PAPPA2: variants seen among roughly 807,000 people sequenced by gnomAD.
The protein encoded by PAPPA2 is pappalysin 2.
Under a neutral mutation model 176.4 loss-of-function variants are expected in PAPPA2, and 86 were observed. The observed-to-expected ratio is 0.49, with a 90% confidence interval of 0.41 to 0.58. The LOEUF is 0.58. PAPPA2 is among the 20% of genes least tolerant of loss of function. The probability of loss-of-function intolerance (pLI) is 0.00; values close to 1 mark genes in which losing one functional copy is unlikely to be tolerated. For missense variants in PAPPA2, 2,073 were observed against 2,256.9 expected (o/e 0.92, Z 1.65); for synonymous variants, 809 against 852.2 (o/e 0.95, Z 0.88).
chr1:176,800,104 T>C lies in PAPPA2; in HGVS notation c.5174T>C (p.Val1725Ala), dbSNP rs1432269770. The part of the protein sequence containing the change: ...TGRRQWHPDP[V>A]LVHCIQSCEP... ...CGGCGTCAATGGCACCCAGACCCCGTCTTAGTCCACTGCATCCAGTCATGT... is the reference window on the plus strand; with the variant it reads ...CGGCGTCAATGGCACCCAGACCCCGCCTTAGTCCACTGCATCCAGTCATGT... Residue 1725 changes from valine (V) to alanine (A), a missense_variant, in exon 21 of 23, where the codon GTC (valine) becomes GCC (alanine). Coordinates refer to ENST00000367662, the MANE Select transcript of PAPPA2 (RefSeq NM_020318.3). The C allele has an allele frequency of 6.2e-7, 1 of 1,614,022 alleles. No individual in the cohort carries two copies. Among genetic ancestry groups the C allele is most frequent in the Admixed American group, 1.7e-5 (1 of 60,006 alleles).
At chr1:176,491,332 T>A (rs1327603171) in intron 1 of PAPPA2, among the ~76,000 whole-genome samples, 1 of 152,120 alleles carries the variant, frequency 6.6e-6, no homozygotes, top group Non-Finnish European at 1.5e-5. Flanking sequence ...GTGGGAAAAA[T>A]TAGTTTCATT....
chr1:176,784,284 T>G (rs1270191853), intron 17 of PAPPA2, among the ~76,000 whole-genome samples: 1 of 151,810 alleles, frequency 6.6e-6, no homozygotes, highest in Admixed American at 6.6e-5. Context: ...AAGGAGTCGT[T>G]TGGTTCCTGA....
At chr1:176,676,254 A>G (rs1018814551) in intron 4 of PAPPA2, among the ~76,000 whole-genome samples, 2 of 152,210 alleles carry the variant, frequency 1.3e-5, no homozygotes, top group South Asian at 2.1e-4. Flanking sequence ...ATTAAAATAT[A>G]TGTCCACTTA....
chr1:176,688,020 A>G (rs1056958365), intron 4 of PAPPA2, among the ~76,000 whole-genome samples: 3 of 152,154 alleles, frequency 2.0e-5, no homozygotes, highest in Non-Finnish European at 2.9e-5. Context: ...TAAAAGTATT[A>G]CCCAGGTTCA....
At chr1:176,630,944 G>T (rs1014496610) in intron 3 of PAPPA2, among the ~76,000 whole-genome samples, 22 of 152,174 alleles carry the variant, frequency 1.4e-4, no homozygotes, top group African/African-American at 4.8e-4. Context: ...TGTCGATCAG[G>T]AATATGTCAT....
intron 21 of PAPPA2, among the ~76,000 whole-genome samples, chr1:176,802,606 G>T (rs1459709753): frequency 1.3e-5 from 2 of 152,142 alleles, no homozygotes; most frequent in African/African-American, 4.8e-5. Context: ...AAGGTATTTT[G>T]TTACCCAGTA....
intron 3 of PAPPA2, among the ~76,000 whole-genome samples, chr1:176,605,721 TG>T (rs1370180327): frequency 6.6e-6 from 1 of 152,200 alleles, no homozygotes; most frequent in Non-Finnish European, 1.5e-5. Context: ...CATAGGTTTC[TG>T]GCCAACCTTG....
chr1:176,621,833 A>G (rs1655618048), intron 3 of PAPPA2, among the ~76,000 whole-genome samples: 1 of 152,210 alleles, frequency 6.6e-6, no homozygotes, highest in Admixed American at 6.5e-5. Context: ...GTAATAATAA[A>G]GAACACTTCA....
chr1:176,676,357 G>A (rs566162938), intron 4 of PAPPA2, among the ~76,000 whole-genome samples: 3 of 151,816 alleles, frequency 2.0e-5, no homozygotes, highest in African/African-American at 4.8e-5. Flanking sequence ...CTTCAGTGCC[G>A]ATTGCTTAAA....
intron 3 of PAPPA2, among the ~76,000 whole-genome samples, chr1:176,650,061 A>C (rs1169761220): frequency 6.6e-6 from 1 of 151,602 alleles, no homozygotes; most frequent in South Asian, 2.1e-4. Context: ...TATACTTTAT[A>C]TAATTGGGAG....
intron 1 of PAPPA2, among the ~76,000 whole-genome samples, chr1:176,513,439 C>G (rs1053633830): frequency 1.3e-5 from 2 of 152,018 alleles, no homozygotes; most frequent in African/African-American, 4.8e-5. Context: ...TCTACCTCTC[C>G]TTCTCTTTTG....
intron 12 of PAPPA2, among the ~76,000 whole-genome samples, chr1:176,732,616 G>C (rs577819957): frequency 6.6e-6 from 1 of 152,232 alleles, no homozygotes; most frequent in South Asian, 2.1e-4. Context: ...AATGTGGTTG[G>C]CATGCAGAAA....
At chr1:176,655,764 A>G (rs1281610230) in intron 3 of PAPPA2, among the ~76,000 whole-genome samples, 1 of 151,846 alleles carries the variant, frequency 6.6e-6, no homozygotes, top group East Asian at 1.9e-4. Flanking sequence ...AGGCACATTA[A>G]AAGCTCTGAC....
At chr1:176,727,714 A>T (rs1310457068) in intron 12 of PAPPA2, among the ~76,000 whole-genome samples, 1 of 152,038 alleles carries the variant, frequency 6.6e-6, no homozygotes, top group Non-Finnish European at 1.5e-5. Context: ...AAATATCATG[A>T]CCTAACTCAC....
At chr1:176,816,377 GCACACACACA>G (rs66557602) in intron 21 of PAPPA2, among the ~76,000 whole-genome samples, 9 of 144,888 alleles carry the variant, frequency 6.2e-5, no homozygotes, top group African/African-American at 1.5e-4. Context: ...ACATCATCAC[GCACACACACA>G]CACACACACA....
At chr1:176,805,666 A>T (rs1234538241) in intron 21 of PAPPA2, among the ~76,000 whole-genome samples, 1 of 152,134 alleles carries the variant, frequency 6.6e-6, no homozygotes, top group Non-Finnish European at 1.5e-5. Context: ...CTTTGTGAGG[A>T]CAGGGTCATA....
intron 1 of PAPPA2, among the ~76,000 whole-genome samples, chr1:176,475,401 C>T (rs529247694): frequency 6.6e-6 from 1 of 152,338 alleles, no homozygotes; most frequent in South Asian, 2.1e-4. Flanking sequence ...ATTCTCTGCT[C>T]TTGGCCCAAC....
At chr1:176,726,058 G>C (rs1219279822) in intron 12 of PAPPA2, among the ~76,000 whole-genome samples, 6 of 152,234 alleles carry the variant, frequency 3.9e-5, no homozygotes, top group Non-Finnish European at 7.3e-5. Context: ...GGGATTACAG[G>C]CGTGAGCCAC....
At chr1:176,496,859 T>C (rs756056509) in intron 1 of PAPPA2, among the ~76,000 whole-genome samples, 2 of 152,176 alleles carry the variant, frequency 1.3e-5, no homozygotes, top group Non-Finnish European at 2.9e-5. Context: ...ATGGGACTTG[T>C]CCACGGTCAC....
Sources: allele counts gnomAD v4.1 joint callset (sites outside exome capture counted in the v4.1 genomes callset), GRCh38; gene constraint gnomAD v4.1.1; transcripts MANE v1.5; gene names NCBI Gene and HGNC (gene_info 2026-07-23, HGNC 2026-07-21).